HADHB: variants seen among roughly 807,000 people sequenced by gnomAD.
The protein encoded by HADHB is trifunctional enzyme subunit beta, mitochondrial.
In HADHB, 50 loss-of-function variants were observed where a neutral mutation model predicts 61.9. That is an observed-to-expected ratio of 0.81 (90% CI 0.64 to 1.02). The LOEUF (loss-of-function observed/expected upper bound fraction) is 1.02. Ranked by LOEUF, HADHB falls within the 50% of genes least tolerant of loss-of-function variation. HADHB has a pLI of 0.00. For synonymous variants in HADHB, 191 were observed against 201.6 expected, an observed-to-expected ratio of 0.95 and a Z score of 0.45; for missense variants, 504 against 586.5, an observed-to-expected ratio of 0.86 and a Z score of 1.45.
In HADHB at chr2:26,263,480, G is replaced by C. The variant is rs113112630; in HGVS notation, c.209+1G>C. The C allele has an allele frequency of 6.5e-7, 1 of 1,545,246 alleles. No homozygotes were observed. The highest frequency in any genetic ancestry group is 9.0e-7 in the Non-Finnish European group (1 of 1,117,240). ...CTCCATTTTTGCTGTCTGGCACTTC[G>C]TAAGTATGACATGATCATATTATTT... On this transcript the variant is annotated splice_donor_variant, in intron 4 of 15. Coordinates refer to ENST00000317799, the MANE Select transcript of HADHB (RefSeq NM_000183.3). LOFTEE classifies it high-confidence loss of function.
chr2:26,262,471 C>T lies in HADHB; in HGVS notation c.110-909C>T, dbSNP rs72849987. On this transcript the variant is annotated intron_variant, in intron 3 of 15. Coordinates refer to ENST00000317799, the MANE Select transcript of HADHB (RefSeq NM_000183.3). Reference sequence around the variant, plus strand: ...TCTTAGAAGAAAATAGTGTGGTAGGCGAAGGCATAAAGAGGGAACTTTAGT... The same window carrying T: ...TCTTAGAAGAAAATAGTGTGGTAGGTGAAGGCATAAAGAGGGAACTTTAGT... 6.3e-3 allele frequency among the ~76,000 whole-genome samples: 955 copies of T among 152,018 alleles called. 8 individuals are homozygous for T. Among genetic ancestry groups the T allele is most frequent in the African/African-American group, 0.022 (892 of 41,466 alleles).
At chr2:26,258,756 C>T (rs1031522854) in intron 3 of HADHB, among the ~76,000 whole-genome samples, 4 of 152,212 alleles carry the variant, frequency 2.6e-5, no homozygotes, top group Admixed American at 1.3e-4. Flanking sequence ...CCTCCTTGCT[C>T]AAATGCCTGG....
Position 26,254,435 on chromosome 2 carries a change from A to C in HADHB, c.70A>C (p.Arg24=). Residue 24 remains arginine (R), a synonymous_variant, in exon 3 of 16, where the codon AGA becomes CGA. Transcript: ENST00000317799. ...CAGTTTATTTTGTCTTCCAGCCATA[A>C]GACCTCTGAGCTGTTCCTCCCAGCT... The part of the protein sequence containing the change: ...ASKWALRFSI[R]PLSCSSQLRA... 6.2e-7 allele frequency: 1 copy of C among 1,604,402 alleles called. No individual in the cohort carries two copies. The highest frequency in any genetic ancestry group is 1.3e-5 in the African/African-American group (1 of 74,874).
intron 15 of HADHB, 101 bp downstream of exon 15, chr2:26,285,672 A>G: frequency 1.5e-6 from 1 of 646,950 alleles, no homozygotes; most frequent in South Asian, 1.5e-5. Context: ...AATATTTTTG[A>G]TGACCTGGGG....
intron 6 of HADHB, among the ~76,000 whole-genome samples, chr2:26,275,188 G>T (rs1672493380): frequency 6.6e-6 from 1 of 152,094 alleles, no homozygotes; most frequent in South Asian, 2.1e-4. Flanking sequence ...TCCAGCCAAA[G>T]AATTTCTTAG....
intron 3 of HADHB, among the ~76,000 whole-genome samples, chr2:26,259,633 C>G (rs1400509596): frequency 1.3e-5 from 2 of 152,220 alleles, no homozygotes. Context: ...TCTCCCACCA[C>G]TCCGACTGAT....
chr2:26,264,006 C>G (rs1460795392), intron 4 of HADHB, among the ~76,000 whole-genome samples: 1 of 152,092 alleles, frequency 6.6e-6, no homozygotes, highest in Non-Finnish European at 1.5e-5. Context: ...TTCTCCTTGG[C>G]CTTTTGTGCT....
intron 15 of HADHB, among the ~76,000 whole-genome samples, chr2:26,287,450 C>G (rs892252037): frequency 6.6e-6 from 1 of 152,240 alleles, no homozygotes; most frequent in South Asian, 2.1e-4. Flanking sequence ...ACATTACTCA[C>G]GAGCATAGTG....
rs1417316275 is a variant in HADHB at position 26,284,947 on chromosome 2, G to T, written c.1214G>T (p.Arg405Ile). Residue 405 changes from arginine (R) to isoleucine (I), a missense_variant, in exon 14 of 16, where the codon AGA becomes ATA. Arg to Ile is a moderately conservative substitution (Grantham distance 97). Transcript: ENST00000317799. The part of the protein sequence containing the change: ...SDWFAENYMG[R>I]KTKVGLPPLE... ...TGGTTTGCAGAAAACTACATGGGTAGAAAAACCAAGGTGAGTTTCTAATTT... is the reference window on the plus strand; with the variant it reads ...TGGTTTGCAGAAAACTACATGGGTATAAAAACCAAGGTGAGTTTCTAATTT... 1.3e-6 allele frequency: 2 copies of T among 1,562,444 alleles called. No individual in the cohort carries two copies. The highest frequency in any genetic ancestry group is 1.8e-6 in the Non-Finnish European group (2 of 1,133,072).
chr2:26,286,819 T>G lies in HADHB; in HGVS notation c.1389+1248T>G, dbSNP rs555710619. On this transcript the variant is annotated intron_variant, in intron 15 of 15. Coordinates refer to ENST00000317799, the MANE Select transcript of HADHB (RefSeq NM_000183.3). Reference sequence around the variant, plus strand: ...CTGTGCCTGGCCTGTTTTTGTTTTTTTTTTTTTTTTTTAATCCCGATGTGA... The same window carrying G: ...CTGTGCCTGGCCTGTTTTTGTTTTTGTTTTTTTTTTTTAATCCCGATGTGA... Among the ~76,000 whole-genome samples the G allele has an allele frequency of 6.8e-3, 1,022 of 151,172 alleles. 12 individuals carry two copies. The highest frequency in any genetic ancestry group is 0.021 in the African/African-American group (882 of 41,190).
At chr2:26,271,792 T>G (rs1486425508) in intron 5 of HADHB, among the ~76,000 whole-genome samples, 2 of 152,016 alleles carry the variant, frequency 1.3e-5, no homozygotes, top group Non-Finnish European at 2.9e-5. Context: ...AAAAAAAAAT[T>G]TTAAAAATTA....
intron 3 of HADHB, among the ~76,000 whole-genome samples, chr2:26,258,266 G>A (rs529359680): frequency 6.6e-6 from 1 of 152,268 alleles, no homozygotes; most frequent in South Asian, 2.1e-4. Context: ...TGGGGCAGGC[G>A]GCTCCCAAGA....
At chr2:26,253,075 A>G (rs1671465368) in intron 1 of HADHB, among the ~76,000 whole-genome samples, 2 of 152,196 alleles carry the variant, frequency 1.3e-5, no homozygotes, top group African/African-American at 2.4e-5. Context: ...TCATATACTT[A>G]AGAACCATTT....
chr2:26,248,470 G>A (rs1306093528), intron 1 of HADHB, among the ~76,000 whole-genome samples: 1 of 151,856 alleles, frequency 6.6e-6, no homozygotes, highest in African/African-American at 2.4e-5. Context: ...CCCACCTTGA[G>A]TATTTTACGC....
At chr2:26,289,811 A>G in intron 15 of HADHB, 107 bp from the exon 16 acceptor site, 1 of 821,768 alleles carries the variant, frequency 1.2e-6, no homozygotes, top group East Asian at 2.4e-5. Flanking sequence ...TGGCAGAGCC[A>G]GGATCCCACT....
chr2:26,265,798 A>G (rs1216084850), intron 4 of HADHB, among the ~76,000 whole-genome samples: 1 of 152,194 alleles, frequency 6.6e-6, no homozygotes, highest in African/African-American at 2.4e-5. Context: ...ATCTAGTGGT[A>G]CAGAGAAGAG....
At chr2:26,253,574 C>T (rs1671486110) in intron 1 of HADHB, among the ~76,000 whole-genome samples, 1 of 152,140 alleles carries the variant, frequency 6.6e-6, no homozygotes, top group Non-Finnish European at 1.5e-5. Flanking sequence ...AGCTCTGGGC[C>T]TGGTGCGGTA....
At chr2:26,260,599 A>G (rs1192357207) in intron 3 of HADHB, 2 of 185,334 alleles carry the variant, frequency 1.1e-5, no homozygotes, top group East Asian at 2.9e-4. Context: ...TGATTCTCCT[A>G]CTACCTCTCA....
chr2:26,282,345 C>T (rs1672829038), intron 10 of HADHB, among the ~76,000 whole-genome samples: 2 of 150,990 alleles, frequency 1.3e-5, no homozygotes, highest in Non-Finnish European at 2.9e-5. Flanking sequence ...ACCTCCGCCT[C>T]CCAGGTTCAA....
Sources: gnomAD v4.1 joint callset for allele counts (sites outside exome capture counted in the v4.1 genomes callset) on GRCh38, gnomAD v4.1.1 for gene constraint, MANE v1.5 for transcripts, NCBI Gene and HGNC (gene_info 2026-07-23, HGNC 2026-07-21) for gene names.